The following GALNT13 variants were observed in gnomAD, a reference collection of about 807,000 sequenced individuals.
The protein encoded by GALNT13 is UDP-GalNAc:polypeptide N-acetylgalactosaminyltransferase 13.
Under a neutral mutation model 64.2 loss-of-function variants are expected in GALNT13, and 28 were observed. That is an observed-to-expected ratio of 0.44 (90% CI 0.32 to 0.60). The LOEUF is 0.60. GALNT13 is among the 20% of genes least tolerant of loss of function. The pLI, the probability that GALNT13 is intolerant of heterozygous loss-of-function variation, is 0.05. For synonymous variants in GALNT13, 214 were observed against 224.6 expected (o/e 0.95, Z 0.42); for missense variants, 577 against 669.8 (o/e 0.86, Z 1.53).
chr2:153,930,787 A>C (rs1286085957), intron 2 of GALNT13, among the ~76,000 whole-genome samples: 1 of 151,930 alleles, frequency 6.6e-6, no homozygotes, highest in African/African-American at 2.4e-5. Context: ...CTTGCTTAGT[A>C]TTGCTTTGGC....
chr2:154,273,319 A>G (rs144459070), intron 8 of GALNT13, among the ~76,000 whole-genome samples: 151 of 152,230 alleles, frequency 9.9e-4, no homozygotes, highest in African/African-American at 2.9e-3. Context: ...GCAGGGGGGA[A>G]CATTCAGCAT....
At chr2:154,088,097 T>C (rs1446945485) in intron 3 of GALNT13, among the ~76,000 whole-genome samples, 1 of 152,130 alleles carries the variant, frequency 6.6e-6, no homozygotes. Flanking sequence ...AGTTTTACCA[T>C]AACTGAAAAT....
chr2:154,020,821 T>G (rs1395255418), intron 3 of GALNT13, among the ~76,000 whole-genome samples: 1 of 152,162 alleles, frequency 6.6e-6, no homozygotes, highest in Non-Finnish European at 1.5e-5. Flanking sequence ...TTCTAGGGTT[T>G]TTATGGTTTT....
the GALNT13 span, among the ~76,000 whole-genome samples, chr2:153,407,470 T>A: frequency 6.6e-6 from 1 of 152,200 alleles, no homozygotes; most frequent in Non-Finnish European, 1.5e-5. Context: ...GCATTAGACA[T>A]CTCAGGTGAT....
intron 11 of GALNT13, among the ~76,000 whole-genome samples, chr2:154,433,137 C>T (rs992392068): frequency 3.3e-5 from 5 of 152,148 alleles, no homozygotes; most frequent in Non-Finnish European, 7.3e-5. Context: ...TGCAGGATGC[C>T]AGTTGGAGAG....
At chr2:154,088,879 T>C (rs1221022396) in intron 3 of GALNT13, among the ~76,000 whole-genome samples, 1 of 152,174 alleles carries the variant, frequency 6.6e-6, no homozygotes, top group Admixed American at 6.5e-5. Flanking sequence ...AAAATTATCC[T>C]GGGGCATAAA....
At chr2:153,174,385 G>A in the GALNT13 span, among the ~76,000 whole-genome samples, 1 of 151,846 alleles carries the variant, frequency 6.6e-6, no homozygotes, top group East Asian at 1.9e-4. Context: ...TGACTAATTG[G>A]ATCCACAAAT....
chr2:153,625,004 A>G, the GALNT13 span, among the ~76,000 whole-genome samples: 2 of 152,096 alleles, frequency 1.3e-5, no homozygotes, highest in African/African-American at 4.8e-5. Flanking sequence ...CTGAGGTCAG[A>G]ATAGAATTGA....
chr2:153,885,665 T>C (rs928510757), intron 1 of GALNT13, among the ~76,000 whole-genome samples: 6 of 152,114 alleles, frequency 3.9e-5, no homozygotes, highest in Non-Finnish European at 8.8e-5. Flanking sequence ...TTACCTGATG[T>C]GCTTGCAAAT....
chr2:153,456,165 G>A, the GALNT13 span, among the ~76,000 whole-genome samples: 1 of 152,276 alleles, frequency 6.6e-6, no homozygotes, highest in South Asian at 2.1e-4. Flanking sequence ...ATTCAAGCAG[G>A]AAAACAGGGA....
chr2:153,128,145 G>T, the GALNT13 span, among the ~76,000 whole-genome samples: 1 of 152,146 alleles, frequency 6.6e-6, no homozygotes, highest in African/African-American at 2.4e-5. Context: ...TTGTCATATT[G>T]TCTCTTACTG....
At chr2:153,659,726 C>T in the GALNT13 span, among the ~76,000 whole-genome samples, 1 of 152,116 alleles carries the variant, frequency 6.6e-6, no homozygotes, top group Non-Finnish European at 1.5e-5. Context: ...CAATGGAAAG[C>T]AGCTTTCTGC....
At chr2:154,143,539 T>C (rs1315812301) in intron 4 of GALNT13, among the ~76,000 whole-genome samples, 1 of 120,874 alleles carries the variant, frequency 8.3e-6, no homozygotes, top group Non-Finnish European at 1.7e-5. Context: ...AAAATATTCA[T>C]AGCCAGTGAT....
At chr2:153,239,061 C>A in the GALNT13 span, among the ~76,000 whole-genome samples, 1 of 151,900 alleles carries the variant, frequency 6.6e-6, no homozygotes, top group Non-Finnish European at 1.5e-5. Flanking sequence ...TTCACTTTGG[C>A]AACTTTATTC....
chr2:153,875,379 G>A (rs61120890), intron 1 of GALNT13, among the ~76,000 whole-genome samples: 11,780 of 152,070 alleles, frequency 0.077, 766 homozygotes, highest in African/African-American at 0.17. Flanking sequence ...TTTAAAAATA[G>A]CAAAGACATA....
At chr2:153,438,899 A>AT in the GALNT13 span, among the ~76,000 whole-genome samples, 1 of 151,892 alleles carries the variant, frequency 6.6e-6, no homozygotes, top group African/African-American at 2.4e-5. Context: ...AGGCGCTCTG[A>AT]TTTTTTGAGT....
intron 3 of GALNT13, among the ~76,000 whole-genome samples, chr2:153,947,287 T>C (rs1488037538): frequency 6.6e-6 from 1 of 151,960 alleles, no homozygotes; most frequent in Non-Finnish European, 1.5e-5. Context: ...TAAAGTCAAA[T>C]ATATAGTAAA....
At chr2:153,285,305 G>A in the GALNT13 span, among the ~76,000 whole-genome samples, 1 of 152,142 alleles carries the variant, frequency 6.6e-6, no homozygotes, top group African/African-American at 2.4e-5. Context: ...CAATCAAGGT[G>A]AGAGTTGGGT....
intron 3 of GALNT13, among the ~76,000 whole-genome samples, chr2:154,089,466 T>TG (rs906143063): frequency 5.2e-4 from 79 of 152,068 alleles, no homozygotes; most frequent in African/African-American, 1.8e-3. Context: ...ACCATAGAAG[T>TG]GGGGGGTCAG....
Sources: gnomAD v4.1 joint callset for allele counts (sites outside exome capture counted in the v4.1 genomes callset) on GRCh38, gnomAD v4.1.1 for gene constraint, MANE v1.5 for transcripts, NCBI Gene and HGNC (gene_info 2026-07-23, HGNC 2026-07-21) for gene names.